Variants in CSMD2 observed in about 807,000 individuals in gnomAD.
CSMD2 encodes CUB and sushi domain-containing protein 2.
CSMD2 carries 130 observed loss-of-function variants against 398.5 expected under a neutral mutation model. The observed-to-expected ratio is 0.33, with a 90% CI of 0.28 to 0.38. CSMD2 has a LOEUF of 0.38. Ranked by LOEUF, CSMD2 falls within the 10% of genes least tolerant of loss-of-function variation. CSMD2 has a pLI of 1.00. For missense variants in CSMD2, 3,829 were observed against 4,764.9 expected, an observed-to-expected ratio of 0.80 and a Z score of 5.78; for synonymous variants, 1,828 against 1,908.5, an observed-to-expected ratio of 0.96 and a Z score of 1.10.
intron 41 of CSMD2, among the ~76,000 whole-genome samples, chr1:33,609,390 T>C (rs1293868698): frequency 6.6e-6 from 1 of 152,172 alleles, no homozygotes; most frequent in African/African-American, 2.4e-5. Context: ...AGAAGTCAAC[T>C]CTCAGAAAGC....
chr1:33,726,287 A>AG (rs573831094), intron 16 of CSMD2, among the ~76,000 whole-genome samples: 7 of 151,866 alleles, frequency 4.6e-5, no homozygotes, highest in Non-Finnish European at 8.8e-5. Flanking sequence ...GGGGCTGGGG[A>AG]GGGGGGAGCT....
chr1:33,937,713 T>A (rs1332028691), intron 3 of CSMD2, among the ~76,000 whole-genome samples: 2 of 152,248 alleles, frequency 1.3e-5, no homozygotes, highest in African/African-American at 2.4e-5. Flanking sequence ...CCATCATGTC[T>A]TATTCTGTGT....
At position 34,092,819 on chromosome 1, in the gene CSMD2, C is replaced by T. The variant is rs575847669; in HGVS notation, c.188-3626G>A. Among the ~76,000 whole-genome samples, 477 of 152,288 alleles carry T rather than the reference C, an allele frequency of 3.1e-3. 2 individuals carry two copies. Among genetic ancestry groups the T allele is most frequent in the African/African-American group, 0.011 (456 of 41,554 alleles). On this transcript the variant is annotated intron_variant, in intron 1 of 70. Coordinates refer to ENST00000373381, the MANE Select transcript of CSMD2 (RefSeq NM_001281956.2). ...CTGAGATCAAACTGCAAGGCAGCAG[C>T]GAGGCTGGGGGAGGGGCGCCCACCA... is the stretch of plus-strand genomic sequence containing the variant.
intron 1 of CSMD2, among the ~76,000 whole-genome samples, chr1:34,130,178 G>A (rs1571213466): frequency 6.6e-6 from 1 of 152,010 alleles, no homozygotes; most frequent in African/African-American, 2.4e-5. Flanking sequence ...TGTCTAGTGG[G>A]GGAGACAGAC....
chr1:33,653,838 A>G (rs978213550), intron 27 of CSMD2, among the ~76,000 whole-genome samples: 1 of 152,200 alleles, frequency 6.6e-6, no homozygotes, highest in South Asian at 2.1e-4. Flanking sequence ...CCACAGGAAC[A>G]CAGAGAGCCA....
At chr1:33,961,419 G>T (rs1327575989) in intron 3 of CSMD2, among the ~76,000 whole-genome samples, 1 of 152,242 alleles carries the variant, frequency 6.6e-6, no homozygotes, top group Admixed American at 6.5e-5. Context: ...TGCTTGGAAG[G>T]CAAAGGAGGC....
intron 68 of CSMD2, among the ~76,000 whole-genome samples, chr1:33,520,648 T>A (rs1013064870): frequency 2.0e-5 from 3 of 150,800 alleles, no homozygotes; most frequent in Non-Finnish European, 4.4e-5. Flanking sequence ...CTGGGACAAC[T>A]CCGGGGGAGG....
chr1:33,533,667 C>A lies in CSMD2; in HGVS notation c.9991+129G>T. Reference sequence around the variant, plus strand: ...GTGAGGCCCCAAAGTGTAAGGACTACAAAGAGACCGATGTCGGTTCGCATG... The same window carrying A: ...GTGAGGCCCCAAAGTGTAAGGACTAAAAAGAGACCGATGTCGGTTCGCATG... On this transcript the variant is annotated intron_variant, in intron 63 of 70. Transcript: ENST00000373381. The surrounding 1 kb of genome is among the most constrained non-coding windows in gnomAD (Gnocchi z 4.2). 1.5e-6 allele frequency: 1 copy of A among 658,324 alleles called. No individual in the cohort carries two copies. The highest frequency in any genetic ancestry group is 2.7e-6 in the Non-Finnish European group (1 of 365,214). 40.8% of individuals were successfully genotyped at this position (658,324 alleles called of 1,614,324 possible). A position where few individuals can be genotyped will look rare whatever the true frequency, so the allele number is the denominator to read the frequency against.
chr1:33,724,165 T>A lies in CSMD2; in HGVS notation c.3001+32A>T, dbSNP rs200357681. The A allele has an allele frequency of 1.6e-3, 2,443 of 1,513,176 alleles. 46 individuals are homozygous for A. In the South Asian group the frequency reaches 0.026, roughly 16 times the overall value. The allele number at this position is 1,513,176 out of a possible 1,614,324, so 93.7% of individuals were successfully genotyped here. A position where few individuals can be genotyped will look rare whatever the true frequency, so the allele number is the denominator to read the frequency against. On this transcript the variant is annotated intron_variant, in intron 19 of 70. Coordinates refer to ENST00000373381, the MANE Select transcript of CSMD2 (RefSeq NM_001281956.2). ...AACTTGGGTCCCTGACCTCGTCACA[T>A]CCCAATGCCTGCTATGGGCTGAAAC... is the stretch of plus-strand genomic sequence containing the variant.
At chr1:33,803,867 C>T (rs147545359) in intron 10 of CSMD2, among the ~76,000 whole-genome samples, 52 of 152,370 alleles carry the variant, frequency 3.4e-4, no homozygotes, top group Middle Eastern at 3.4e-3. Flanking sequence ...GAGTGATCCT[C>T]GTCCTTCCAG....
chr1:33,772,427 C>T lies in CSMD2; in HGVS notation c.1846+142G>A, dbSNP rs111230292. 492 of 672,874 alleles carry T rather than the reference C, an allele frequency of 7.3e-4. No individual in the cohort carries two copies. The African/African-American group carries it at 7.6e-3, about 10-fold the overall frequency. The allele number at this position is 672,874 out of a possible 1,614,324, so 41.7% of individuals were successfully genotyped here. A position where few individuals can be genotyped will look rare whatever the true frequency, so the allele number is the denominator to read the frequency against. Reference sequence around the variant, plus strand: ...AATAAGGACCCCACCAGCAACGTTCCGAGGAGTAGAATAAACCAACCAGAG... The same window carrying T: ...AATAAGGACCCCACCAGCAACGTTCTGAGGAGTAGAATAAACCAACCAGAG... On this transcript the variant is annotated intron_variant, in intron 13 of 70. Transcript: ENST00000373381.
chr1:33,533,998 T>A lies in CSMD2; in HGVS notation c.9880-91A>T. 1 of 731,540 alleles carries A rather than the reference T, an allele frequency of 1.4e-6. No individual in the cohort carries two copies. The highest frequency in any genetic ancestry group is 1.7e-5 in the South Asian group (1 of 59,604). 45.3% of individuals were successfully genotyped at this position (731,540 alleles called of 1,614,324 possible). ...GACCACTTTCACATGGCCCAACTCC[T>A]CCCGCACTGTTGCCTGCAAAACTCT... On this transcript the variant is annotated intron_variant, in intron 62 of 70. Transcript: ENST00000373381. The surrounding 1 kb of genome is among the most constrained non-coding windows in gnomAD (Gnocchi z 4.2).
At chr1:33,622,731 A>G (rs1319049974) in intron 36 of CSMD2, among the ~76,000 whole-genome samples, 1 of 152,254 alleles carries the variant, frequency 6.6e-6, no homozygotes, top group Non-Finnish European at 1.5e-5. Flanking sequence ...TCAGAAGTCC[A>G]TTACTAGAAT....
chr1:33,527,204 TG>T lies in CSMD2; in HGVS notation c.10225del (p.Gln3409LysfsTer3). ...ATCTGGACCATACGTACTCAAGGCT[TG>T]GGTGAGCGGTGGCTCCCGGGCAGTG... ...INTAREPPLT[Q>X]ALIPGDVFAK... On this transcript the variant is annotated frameshift_variant, in exon 65 of 71. Transcript: ENST00000373381. LOFTEE classifies it high-confidence loss of function. The T allele has an allele frequency of 1.2e-6, 2 of 1,614,034 alleles. No homozygotes were observed. Among genetic ancestry groups the T allele is most frequent in the Non-Finnish European group, 1.7e-6 (2 of 1,179,882 alleles).
chr1:33,572,597 T>C lies in CSMD2; in HGVS notation c.7671A>G (p.Glu2557=). The part of the protein sequence containing the change: ...VGTKAMYSCS[E]GYHLQAGAEA... Reference sequence around the variant, plus strand: ...CAGCGCCTGCCTGGAGGTGGTAGCCTTCACTGCAGCTGTACATGGCCTTGG... The same window carrying C: ...CAGCGCCTGCCTGGAGGTGGTAGCCCTCACTGCAGCTGTACATGGCCTTGG... The change falls in exon 50 of 71, where the codon GAA becomes GAG. Residue 2557 remains glutamate, a synonymous_variant. Coordinates refer to ENST00000373381, the MANE Select transcript of CSMD2 (RefSeq NM_001281956.2). 6.2e-7 allele frequency: 1 copy of C among 1,614,086 alleles called. No individual in the cohort carries two copies. The highest frequency in any genetic ancestry group is 8.5e-7 in the Non-Finnish European group (1 of 1,179,974).
chr1:33,783,078 A>C (rs1652999275), intron 12 of CSMD2, among the ~76,000 whole-genome samples: 1 of 152,052 alleles, frequency 6.6e-6, no homozygotes, highest in African/African-American at 2.4e-5. Flanking sequence ...CGGAAAACTG[A>C]CAGAATCTGG....
At chr1:33,903,895 G>A (rs1642913197) in intron 5 of CSMD2, among the ~76,000 whole-genome samples, 1 of 151,974 alleles carries the variant, frequency 6.6e-6, no homozygotes, top group African/African-American at 2.4e-5. Flanking sequence ...TTTTTAACTT[G>A]GAAGGAAGAT....
At chr1:34,091,066 C>A (rs1658501882) in intron 1 of CSMD2, among the ~76,000 whole-genome samples, 1 of 152,112 alleles carries the variant, frequency 6.6e-6, no homozygotes, top group Admixed American at 6.5e-5. Flanking sequence ...TTGGTCAGGT[C>A]AAGCCCACTA....
At chr1:34,032,519 G>T in intron 3 of CSMD2, 75 bp downstream of exon 3, 1 of 933,734 alleles carries the variant, frequency 1.1e-6, no homozygotes, top group South Asian at 1.8e-5. Context: ...CTGCATCTGT[G>T]AGCAATGCAG....
Sources: allele counts gnomAD v4.1 joint callset (sites outside exome capture counted in the v4.1 genomes callset), GRCh38; gene constraint gnomAD v4.1.1; non-coding constraint Gnocchi (gnomAD v3.1); transcripts MANE v1.5; gene names NCBI Gene and HGNC (gene_info 2026-07-23, HGNC 2026-07-21).